KIAA0319: variants seen among roughly 807,000 people sequenced by gnomAD.
KIAA0319 encodes the protein dyslexia-associated protein KIAA0319.
Under a neutral mutation model 108.4 loss-of-function variants are expected in KIAA0319, and 83 were observed. That is an observed-to-expected ratio of 0.77 (90% CI 0.64 to 0.92). The LOEUF (loss-of-function observed/expected upper bound fraction) is 0.92, where lower values mean the gene tolerates loss of function less well. KIAA0319 is among the 40% of genes least tolerant of loss of function. KIAA0319 has a pLI of 0.00. For missense variants in KIAA0319, 1,195 were observed against 1,322.4 expected (o/e 0.90, Z 1.49); for synonymous variants, 484 against 510.4 (o/e 0.95, Z 0.70).
At chr6:24,548,353 C>T (rs1052999240) in intron 20 of KIAA0319, among the ~76,000 whole-genome samples, 23 of 152,182 alleles carry the variant, frequency 1.5e-4, no homozygotes, top group Non-Finnish European at 1.8e-4. Flanking sequence ...CAACCTCCTG[C>T]CTCACAGATT....
intron 10 of KIAA0319, among the ~76,000 whole-genome samples, chr6:24,573,004 C>T (rs1009260452): frequency 1.2e-4 from 18 of 152,012 alleles, no homozygotes; most frequent in Non-Finnish European, 2.5e-4. Context: ...ACCTGTAATC[C>T]CAGCTACTTA....
chr6:24,645,266 C>T (rs1777473821), intron 1 of KIAA0319, among the ~76,000 whole-genome samples: 1 of 152,152 alleles, frequency 6.6e-6, no homozygotes, highest in Non-Finnish European at 1.5e-5. Context: ...CATATTTTTC[C>T]TCCTTGTATT....
intron 3 of KIAA0319, among the ~76,000 whole-genome samples, chr6:24,592,375 T>C (rs557685306): frequency 1.4e-4 from 21 of 152,330 alleles, no homozygotes; most frequent in Admixed American, 2.6e-4. Flanking sequence ...AAGATCTTAG[T>C]TTCTGTCATC....
intron 1 of KIAA0319, among the ~76,000 whole-genome samples, chr6:24,640,772 C>G (rs893554499): frequency 6.6e-6 from 1 of 152,098 alleles, no homozygotes; most frequent in African/African-American, 2.4e-5. Context: ...CCCACCTCAG[C>G]CTCCCGAATA....
At chr6:24,637,270 T>G (rs1776321838) in intron 1 of KIAA0319, among the ~76,000 whole-genome samples, 1 of 152,208 alleles carries the variant, frequency 6.6e-6, no homozygotes, top group African/African-American at 2.4e-5. Flanking sequence ...ATCTGCTTAT[T>G]ATGAGAGTGT....
chr6:24,561,095 C>G (rs988667038), intron 16 of KIAA0319, among the ~76,000 whole-genome samples: 10 of 152,202 alleles, frequency 6.6e-5, no homozygotes, highest in African/African-American at 2.4e-4. Context: ...ATAAATCCCA[C>G]TTGGTTATGG....
At chr6:24,642,351 CTG>C (rs1362008751) in intron 1 of KIAA0319, among the ~76,000 whole-genome samples, 7 of 152,226 alleles carry the variant, frequency 4.6e-5, no homozygotes, top group African/African-American at 1.7e-4. Context: ...GAAGGTAACT[CTG>C]TTACAATGAT....
intron 1 of KIAA0319, among the ~76,000 whole-genome samples, chr6:24,602,120 T>C (rs964374977): frequency 1.8e-4 from 28 of 151,932 alleles, no homozygotes; most frequent in African/African-American, 6.8e-4. Context: ...TGGGTTCAAG[T>C]GATTCTTGTG....
intron 1 of KIAA0319, among the ~76,000 whole-genome samples, chr6:24,628,284 T>G (rs1473718809): frequency 6.6e-5 from 10 of 152,150 alleles, no homozygotes; most frequent in African/African-American, 2.4e-4. Context: ...AGAATTTTTT[T>G]GCTTTCCGTT....
intron 1 of KIAA0319, among the ~76,000 whole-genome samples, chr6:24,617,869 C>G (rs1773384738): frequency 6.6e-6 from 1 of 152,160 alleles, no homozygotes; most frequent in Non-Finnish European, 1.5e-5. Context: ...CACCTATAAT[C>G]TCAGCTACTT....
chr6:24,542,581 TCCAC>T (rs1760234715), downstream of KIAA0319, among the ~76,000 whole-genome samples: 1 of 151,950 alleles, frequency 6.6e-6, no homozygotes, highest in African/African-American at 2.4e-5. Flanking sequence ...AAAAAATTAG[TCCAC>T]ACCTGTAGTC....
rs777825448 is a variant in KIAA0319, at chr6:24,566,721, G to A, written c.2168C>T (p.Ala723Val). The A allele has an allele frequency of 6.2e-7, 1 of 1,612,704 alleles. No individual in the cohort carries two copies. The highest frequency in any genetic ancestry group is 2.2e-5 in the East Asian group (1 of 44,810). Residue 723 changes from alanine (A) to valine (V), a missense_variant, in exon 14 of 21, where the codon GCT becomes GTT. Ala to Val is a moderately conservative substitution (Grantham distance 64). Coordinates refer to ENST00000378214, the MANE Select transcript of KIAA0319 (RefSeq NM_014809.4). ...AAGCACAAGAACATGTCTGCCACCA[G>A]CCCGGGCTCTGGGAGGACTATTATT... The part of the protein sequence containing the change: ...KENNSPPRAR[A>V]GGRHVLVLPN...
intron 4 of KIAA0319, among the ~76,000 whole-genome samples, chr6:24,586,847 TC>T (rs1468252422): frequency 6.6e-6 from 1 of 152,080 alleles, no homozygotes; most frequent in African/African-American, 2.4e-5. Flanking sequence ...CCTCTAGCTT[TC>T]CTCTTTATCT....
rs1339550065 is a variant in KIAA0319, at chr6:24,545,036, A to G, written c.*2129T>C. On this transcript the variant is annotated 3_prime_UTR_variant, in exon 21 of 21. Transcript: ENST00000378214. The stretch of plus-strand genomic sequence containing the variant: ...TGATCCACAGGAGACTATGCAGGCC[A>G]TCTCTCCCTCTGACCTTGGCTCTCT... 2 of 152,160 alleles carry G rather than the reference A, an allele frequency of 1.3e-5. No homozygotes were observed. The highest frequency in any genetic ancestry group is 1.3e-4 in the Admixed American group (2 of 15,272). The allele number at this position is 152,160 out of a possible 1,614,324, so 9.4% of individuals were successfully genotyped here.
chr6:24,557,543 A>G (rs1261423503), intron 17 of KIAA0319, among the ~76,000 whole-genome samples: 1 of 152,220 alleles, frequency 6.6e-6, no homozygotes, highest in African/African-American at 2.4e-5. Context: ...TGGCCTAAGA[A>G]AATAATTCTA....
intron 4 of KIAA0319, among the ~76,000 whole-genome samples, chr6:24,585,557 T>C (rs1767341360): frequency 3.3e-5 from 5 of 152,202 alleles, no homozygotes; most frequent in Middle Eastern, 3.4e-3. Context: ...CCCTATTGTT[T>C]ATGAAAAAAT....
chr6:24,605,595 A>G (rs1019524812), intron 1 of KIAA0319, among the ~76,000 whole-genome samples: 15 of 152,198 alleles, frequency 9.9e-5, no homozygotes, highest in African/African-American at 3.4e-4. Flanking sequence ...GTGACAAAAT[A>G]GAACTTTTAA....
At chr6:24,617,858 A>G (rs1396741306) in intron 1 of KIAA0319, among the ~76,000 whole-genome samples, 1 of 152,062 alleles carries the variant, frequency 6.6e-6, no homozygotes, top group Non-Finnish European at 1.5e-5. Context: ...GTGGTGGCGC[A>G]CACCTATAAT....
intron 1 of KIAA0319, among the ~76,000 whole-genome samples, chr6:24,607,863 T>G (rs1771652852): frequency 6.6e-6 from 1 of 152,226 alleles, no homozygotes; most frequent in African/African-American, 2.4e-5. Context: ...TGCCATGATT[T>G]CAAAATTGCT....
Sources: gnomAD v4.1 joint callset for allele counts (sites outside exome capture counted in the v4.1 genomes callset) on GRCh38, gnomAD v4.1.1 for gene constraint, MANE v1.5 for transcripts, NCBI Gene and HGNC (gene_info 2026-07-23, HGNC 2026-07-21) for gene names.